CPEB2: variants seen among roughly 807,000 people sequenced by gnomAD.
CPEB2 encodes cytoplasmic polyadenylation element binding protein 2.
In CPEB2, 56 loss-of-function variants were observed where a neutral mutation model predicts 93.6. The ratio of observed to expected loss-of-function variants is 0.60; its 90% CI spans 0.48 to 0.75. The LOEUF (loss-of-function observed/expected upper bound fraction) is 0.75. CPEB2 is among the 30% of genes least tolerant of loss of function. The pLI, the probability that CPEB2 is intolerant of heterozygous loss-of-function variation, is 0.00. For missense variants in CPEB2, 1,579 were observed against 1,395.1 expected (o/e 1.13, Z -2.10); for synonymous variants, 764 against 586.3 (o/e 1.30, Z -4.38).
In CPEB2 at chr4:15,008,438, C is replaced by G; in HGVS notation, c.2034+11C>G. 6.3e-7 allele frequency: 1 copy of G among 1,582,966 alleles called. No individual in the cohort carries two copies. ...TCCAGAATAGACCAGGTAGGCTGCA[C>G]AGTGTATACTTTTTAGGATTTCGGT... On this transcript the variant is annotated intron_variant, in intron 3 of 11. Transcript: ENST00000538197.
intron 6 of CPEB2, among the ~76,000 whole-genome samples, chr4:15,043,079 C>A (rs1415098241): frequency 6.6e-6 from 1 of 152,150 alleles, no homozygotes; most frequent in Non-Finnish European, 1.5e-5. Context: ...CTGACTTTGA[C>A]TTTTGTAGTC....
intron 3 of CPEB2, among the ~76,000 whole-genome samples, chr4:15,015,737 G>A (rs751106749): frequency 3.3e-5 from 5 of 151,964 alleles, no homozygotes; most frequent in Non-Finnish European, 7.4e-5. Flanking sequence ...CCTTATCCAT[G>A]AGTGATACGT....
In CPEB2 at chr4:15,051,289, A is replaced by T. The variant is rs1728198128; in HGVS notation, c.2201-1125A>T. Among the ~76,000 whole-genome samples, 4 of 152,164 alleles carry T rather than the reference A, an allele frequency of 2.6e-5. No individual in the cohort carries two copies. In the South Asian group the frequency reaches 8.3e-4, roughly 32 times the overall value. ...GTTTATTATCTTCACCACCTACTAA[A>T]TGTCTCGTTAGCCTGTCATTCAATG... On this transcript the variant is annotated intron_variant, in intron 6 of 11. Coordinates refer to ENST00000538197, the MANE Select transcript of CPEB2 (RefSeq NM_001177382.2).
chr4:15,055,585 T>C (rs1728637598), intron 8 of CPEB2, among the ~76,000 whole-genome samples: 2 of 152,332 alleles, frequency 1.3e-5, no homozygotes, highest in East Asian at 1.9e-4. Flanking sequence ...TCCACATCTC[T>C]AGCCCTCTTC....
At chr4:15,005,735 A>G (rs1722730913) in intron 1 of CPEB2, among the ~76,000 whole-genome samples, 1 of 152,254 alleles carries the variant, frequency 6.6e-6, no homozygotes, top group Admixed American at 6.5e-5. Flanking sequence ...CCAAAGTGAC[A>G]GTGAACAGTT....
intron 6 of CPEB2, among the ~76,000 whole-genome samples, chr4:15,041,966 C>T (rs912617738): frequency 2.0e-5 from 3 of 152,218 alleles, no homozygotes; most frequent in Non-Finnish European, 2.9e-5. Context: ...AAAATTGAAG[C>T]TGAACAACTT....
Position 15,003,820 on chromosome 4 carries a change from T to C in CPEB2, c.1147T>C (p.Trp383Arg). The C allele has an allele frequency of 1.0e-6, 1 of 953,138 alleles. No homozygotes were observed. The highest frequency in any genetic ancestry group is 1.3e-6 in the Non-Finnish European group (1 of 742,666). The allele number at this position is 953,138 out of a possible 1,614,324, so 59.0% of individuals were successfully genotyped here. A position where few individuals can be genotyped will look rare whatever the true frequency, so the allele number is the denominator to read the frequency against. ...PPPLPGFGTP[W>R]SVQTASPPPQ... ...GCCGCTGCCCGGCTTCGGCACCCCC[T>C]GGTCGGTGCAGACCGCGTCGCCGCC... Residue 383 changes from tryptophan (W) to arginine (R), a missense_variant, in exon 1 of 12, where the codon TGG becomes CGG. This residue lies in a region of CPEB2 where 1,411 missense variants were observed against 1,056.0 expected (regional missense o/e 1.34). Coordinates refer to ENST00000538197, the MANE Select transcript of CPEB2 (RefSeq NM_001177382.2).
Position 15,004,033 on chromosome 4 carries a change from C to T in CPEB2, c.1360C>T (p.Pro454Ser), listed in dbSNP as rs762254205. The T allele has an allele frequency of 1.3e-6, 2 of 1,564,152 alleles. No individual in the cohort carries two copies. The highest frequency in any genetic ancestry group is 1.8e-5 in the Admixed American group (1 of 54,194). The change falls in exon 1 of 12, where the codon CCG (proline) becomes TCG (serine). Residue 454 changes from proline (P) to serine (S), a missense_variant. Physicochemically the swap from Pro to Ser is moderately conservative, Grantham distance 74 (BLOSUM62 -1). This residue lies in a region of CPEB2 where 1,411 missense variants were observed against 1,056.0 expected (regional missense o/e 1.34). Transcript: ENST00000538197. ...AGAGAACGGCTTCTACCCCGGGCTG[C>T]CGTCGTCCATGAACCCGGCCTTCTT... ...DSENGFYPGL[P>S]SSMNPAFFPS...
At chr4:15,019,133 C>T (rs1025187937) in intron 4 of CPEB2, among the ~76,000 whole-genome samples, 2 of 150,910 alleles carry the variant, frequency 1.3e-5, no homozygotes, top group Admixed American at 1.3e-4. Context: ...CATATTTACA[C>T]AAAACGTGGA....
At chr4:15,050,248 C>T (rs1160606796) in intron 6 of CPEB2, among the ~76,000 whole-genome samples, 1 of 152,122 alleles carries the variant, frequency 6.6e-6, no homozygotes, top group Non-Finnish European at 1.5e-5. Context: ...CTATTGTGAA[C>T]TGCATGTGTG....
At chr4:15,032,690 G>A (rs1034439272) in intron 4 of CPEB2, among the ~76,000 whole-genome samples, 1 of 151,948 alleles carries the variant, frequency 6.6e-6, no homozygotes, top group Non-Finnish European at 1.5e-5. Flanking sequence ...GGCAAGTTGA[G>A]ATGAATTTTT....
intron 2 of CPEB2, 97 bp downstream of exon 2, chr4:15,007,683 T>C: frequency 1.4e-6 from 1 of 721,576 alleles, no homozygotes; most frequent in Non-Finnish European, 2.0e-6. Flanking sequence ...TTAACATTTT[T>C]TGAAATAAAG....
intron 1 of CPEB2, among the ~76,000 whole-genome samples, chr4:15,005,625 A>G (rs773011188): frequency 1.3e-5 from 2 of 152,238 alleles, no homozygotes; most frequent in East Asian, 1.9e-4. Flanking sequence ...CCTTAACCCC[A>G]TAACTTTTTC....
intron 5 of CPEB2, 96 bp from the exon 6 acceptor site, chr4:15,040,368 C>G: frequency 8.8e-7 from 1 of 1,132,630 alleles, no homozygotes; most frequent in Non-Finnish European, 1.3e-6. Context: ...CACTAATTTT[C>G]AGATGCCCAC....
intron 4 of CPEB2, among the ~76,000 whole-genome samples, chr4:15,018,461 T>C (rs1724416602): frequency 6.6e-6 from 1 of 151,636 alleles, no homozygotes; most frequent in Non-Finnish European, 1.5e-5. Flanking sequence ...TATGTCAGGT[T>C]TTTGGGGATG....
At chr4:15,031,927 C>G (rs1465193618) in intron 4 of CPEB2, among the ~76,000 whole-genome samples, 10 of 152,070 alleles carry the variant, frequency 6.6e-5, no homozygotes, top group African/African-American at 2.4e-4. Flanking sequence ...AAGGTAGATG[C>G]AGTTAATCTG....
chr4:15,026,705 T>C (rs1170454820), intron 4 of CPEB2, among the ~76,000 whole-genome samples: 1 of 152,218 alleles, frequency 6.6e-6, no homozygotes, highest in Admixed American at 6.5e-5. Context: ...TTCATACTCT[T>C]CAAAATATTG....
chr4:15,041,019 T>TCA (rs368126504), intron 6 of CPEB2, among the ~76,000 whole-genome samples: 3 of 151,848 alleles, frequency 2.0e-5, no homozygotes, highest in South Asian at 4.2e-4. Context: ...TTTCTGTCTC[T>TCA]CACACACACA....
In CPEB2 at chr4:15,066,678, G is replaced by C. The variant is rs555557987; in HGVS notation, c.*298G>C. The C allele has an allele frequency of 2.8e-6, 1 of 362,152 alleles. No homozygotes were observed. The highest frequency in any genetic ancestry group is 2.1e-5 in the African/African-American group (1 of 47,862). 22.4% of individuals were successfully genotyped at this position (362,152 alleles called of 1,614,324 possible). ...AAAATTAGATATGAGAATGTTTTGC[G>C]TAGGGGCAACACAGTCTGCTGCTAT... On this transcript the variant is annotated 3_prime_UTR_variant, in exon 12 of 12. Coordinates refer to ENST00000538197, the MANE Select transcript of CPEB2 (RefSeq NM_001177382.2).
Sources: allele counts gnomAD v4.1 joint callset (sites outside exome capture counted in the v4.1 genomes callset), GRCh38; gene constraint gnomAD v4.1.1; regional missense constraint gnomAD v4.1.1; transcripts MANE v1.5; gene names NCBI Gene and HGNC (gene_info 2026-07-23, HGNC 2026-07-21).